The following HNRNPUL2 variants were observed in gnomAD, a reference collection of about 807,000 sequenced individuals.
HNRNPUL2 encodes the protein heterogeneous nuclear ribonucleoprotein U like 2.
In HNRNPUL2, 27 loss-of-function variants were observed where a neutral mutation model predicts 102.2. That is an observed-to-expected ratio of 0.26 (90% CI 0.19 to 0.36). The LOEUF is 0.36. Ranked by LOEUF, HNRNPUL2 falls within the 10% of genes least tolerant of loss-of-function variation. HNRNPUL2 has a pLI of 1.00. For synonymous variants in HNRNPUL2, 458 were observed against 387.2 expected, an observed-to-expected ratio of 1.18 and a Z score of -2.15; for missense variants, 936 against 981.1, an observed-to-expected ratio of 0.95 and a Z score of 0.61.
Position 62,713,894 on chromosome 11 carries a change from C to A in HNRNPUL2, c.*1405G>T, listed in dbSNP as rs566124760. The A allele has an allele frequency of 1.6e-4, 24 of 152,334 alleles. No homozygotes were observed. The highest frequency in any genetic ancestry group is 5.3e-4 in the African/African-American group (22 of 41,544). The allele number at this position is 152,334 out of a possible 1,614,324, so 9.4% of individuals were successfully genotyped here. ...GAGCATTCCATATCCCACCCATATT[C>A]TTGAACCCAGCAACCTACAGCTGTC... On this transcript the variant is annotated 3_prime_UTR_variant, in exon 14 of 14. Coordinates refer to ENST00000301785, the MANE Select transcript of HNRNPUL2 (RefSeq NM_001079559.3).
intron 10 of HNRNPUL2, 23 bp from the exon 11 acceptor site, chr11:62,717,212 T>A: frequency 1.3e-6 from 2 of 1,596,148 alleles, no homozygotes; most frequent in Non-Finnish European, 1.7e-6. Flanking sequence ...GAGAGAAGCT[T>A]GTGGGCCTGA....
intron 12 of HNRNPUL2, 86 bp from the exon 13 acceptor site, chr11:62,715,693 C>T: frequency 8.7e-7 from 1 of 1,143,730 alleles, no homozygotes. Context: ...TGCGACACAT[C>T]TTAGCTCGAT....
chr11:62,726,023 G>A (rs2083742578), intron 1 of HNRNPUL2, among the ~76,000 whole-genome samples: 1 of 152,114 alleles, frequency 6.6e-6, no homozygotes, highest in African/African-American at 2.4e-5. Context: ...AACTCTAAAT[G>A]AACTAGATTA....
At chr11:62,722,967 G>GCTACTCAGATTTTTATAC in intron 4 of HNRNPUL2, 64 bp from the exon 5 acceptor site, 1 of 1,221,446 alleles carries the variant, frequency 8.2e-7, no homozygotes, top group Non-Finnish European at 1.2e-6. Flanking sequence ...CTCTGAGTTC[G>GCTACTCAGATTTTTATAC]AAGGACAAGA....
Position 62,722,656 on chromosome 11 carries a change from T to C in HNRNPUL2, c.1040A>G (p.Gln347Arg). The change falls in exon 6 of 14, where the codon CAA (glutamine) becomes CGA (arginine). Residue 347 changes from glutamine to arginine, a missense_variant. Gln to Arg is a conservative substitution (Grantham distance 43). Around this residue, in one of 2 missense-constraint regions of HNRNPUL2, gnomAD observed 609 missense variants for 713.0 expected, o/e 0.85. Coordinates refer to ENST00000301785, the MANE Select transcript of HNRNPUL2 (RefSeq NM_001079559.3). ...DGRGLKAENG[Q>R]FEEFGQTFGE... ...AAAAGTCTGGCCAAATTCCTCAAAT[T>C]GTCCATTTTCTGCCTTGAGTCCTCG... 1.2e-6 allele frequency: 2 copies of C among 1,614,126 alleles called. No homozygotes were observed.
chr11:62,726,795 G>A lies in HNRNPUL2; in HGVS notation c.362C>T (p.Ala121Val), dbSNP rs1263319819. 34 of 1,597,246 alleles carry A rather than the reference G, an allele frequency of 2.1e-5. No individual in the cohort carries two copies. The highest frequency in any genetic ancestry group is 2.5e-5 in the Non-Finnish European group (30 of 1,177,942). ...CTCGGAAGCATCTGGCTCGGCCGCG[G>A]CCTCCATGGCTGCCGCCTCCGGGGG... ...PEPPEAAAME[A>V]AAEPDASEKP... Residue 121 changes from alanine to valine, a missense_variant, in exon 1 of 14, where the codon GCC becomes GTC. Ala to Val is a moderately conservative substitution (Grantham distance 64, BLOSUM62 0). Coordinates refer to ENST00000301785, the MANE Select transcript of HNRNPUL2 (RefSeq NM_001079559.3).
intron 3 of HNRNPUL2, 41 bp downstream of exon 3, chr11:62,723,870 TAGG>T (rs774859995): frequency 3.1e-6 from 5 of 1,603,098 alleles, no homozygotes; most frequent in African/African-American, 2.7e-5. Flanking sequence ...AAATCACTTT[TAGG>T]AGATTAGTTA....
chr11:62,726,513 T>C, intron 1 of HNRNPUL2, 106 bp downstream of exon 1: 2 of 1,200,496 alleles, frequency 1.7e-6, no homozygotes, highest in South Asian at 1.7e-5. Flanking sequence ...AAATGGCACT[T>C]TGAGGCAAGC....
At chr11:62,724,708 A>T (rs1414552227) in intron 1 of HNRNPUL2, among the ~76,000 whole-genome samples, 1 of 152,218 alleles carries the variant, frequency 6.6e-6, no homozygotes, top group African/African-American at 2.4e-5. Flanking sequence ...AATCAGGTCA[A>T]ACTTGCAGAT....
rs760394385 is a variant in HNRNPUL2, at chr11:62,722,331, T to A, written c.1145A>T (p.Asp382Val). 8 of 1,613,706 alleles carry A rather than the reference T, an allele frequency of 5.0e-6. No homozygotes were observed. In the South Asian group the frequency reaches 8.8e-5, roughly 18 times the overall value. ...VELSFSKNGE[D>V]LGVAFWISKD... ...GCTGATCCAGAATGCCACACCTAGG[T>A]CTTCTCCATTCTTGGAGAAGGAAAG... Residue 382 changes from aspartate (D) to valine (V), a missense_variant, in exon 7 of 14, where the codon GAC becomes GTC. This residue lies in a region of HNRNPUL2 where 609 missense variants were observed against 713.0 expected (regional missense o/e 0.85). Transcript: ENST00000301785.
rs1258936222 is a variant in HNRNPUL2 at position 62,722,364 on chromosome 11, T to A, written c.1112A>T (p.Glu371Val). ...ATTCTTGGAGAAGGAAAGTTCTACT[T>A]CTTCAGTCTCAAAATTCTACAATGA... Reference protein sequence around the residue: ...IGCFANFETEEVELSFSKNGE... With the variant: ...IGCFANFETEVVELSFSKNGE... The change falls in exon 7 of 14, where the codon GAA becomes GTA. Residue 371 changes from glutamate (E) to valine (V), a missense_variant. Physicochemically the swap from Glu to Val is moderately radical, Grantham distance 121. Transcript: ENST00000301785. The A allele has an allele frequency of 6.2e-7, 1 of 1,613,790 alleles. No individual in the cohort carries two copies. Among genetic ancestry groups the A allele is most frequent in the East Asian group, 2.2e-5 (1 of 44,890 alleles).
chr11:62,722,729 A>G lies in HNRNPUL2; in HGVS notation c.983-16T>C, dbSNP rs1458143279. On this transcript the variant is annotated splice_polypyrimidine_tract_variant and intron_variant, in intron 5 of 13. Transcript: ENST00000301785. ...TCATCTTCACCTAGAACAGTCAACA[A>G]ATTAGTTACCTACAACCGGACTTCC... is the stretch of plus-strand genomic sequence containing the variant. 1.2e-6 allele frequency: 2 copies of G among 1,610,342 alleles called. No homozygotes were observed. Among genetic ancestry groups the G allele is most frequent in the Non-Finnish European group, 1.7e-6 (2 of 1,176,522 alleles).
intron 1 of HNRNPUL2, among the ~76,000 whole-genome samples, chr11:62,725,723 G>C (rs2083740437): frequency 6.6e-6 from 1 of 152,074 alleles, no homozygotes; most frequent in Non-Finnish European, 1.5e-5. Context: ...TCCCTACTCG[G>C]ACACACACTG....
At position 62,723,983 on chromosome 11, in the gene HNRNPUL2, A is replaced by G; in HGVS notation, c.682T>C (p.Ser228Pro). The change falls in exon 3 of 14, where the codon TCT (serine) becomes CCT (proline). Residue 228 changes from serine (S) to proline (P), a missense_variant. By Grantham distance (74) the Ser-to-Pro change is moderately conservative (BLOSUM62 -1). Around this residue, in one of 2 missense-constraint regions of HNRNPUL2, gnomAD observed 609 missense variants for 713.0 expected, o/e 0.85. Coordinates refer to ENST00000301785, the MANE Select transcript of HNRNPUL2 (RefSeq NM_001079559.3). ...REEAYHSRSK[S>P]PLPPEEEAKD... ...GCCTCTTCTTCAGGAGGCAGTGGAG[A>G]CTTTGAGCTATATATGTAAGATAGA... 6 of 1,613,154 alleles carry G rather than the reference A, an allele frequency of 3.7e-6. No homozygotes were observed. Among genetic ancestry groups the G allele is most frequent in the Non-Finnish European group, 5.1e-6 (6 of 1,179,120 alleles).
intron 12 of HNRNPUL2, 121 bp downstream of exon 12, chr11:62,715,743 G>C: frequency 8.7e-7 from 1 of 1,149,198 alleles, no homozygotes; most frequent in Non-Finnish European, 1.3e-6. Flanking sequence ...AAATCTTCCA[G>C]AACATATTAA....
Position 62,722,820 on chromosome 11 carries a change from T to C in HNRNPUL2, c.975A>G (p.Pro325=). 6.2e-7 allele frequency: 1 copy of C among 1,614,052 alleles called. No individual in the cohort carries two copies. Among genetic ancestry groups the C allele is most frequent in the Non-Finnish European group, 8.5e-7 (1 of 1,179,920 alleles). The change falls in exon 5 of 14, where the codon CCA becomes CCG. Residue 325 remains proline, a synonymous_variant. Coordinates refer to ENST00000301785, the MANE Select transcript of HNRNPUL2 (RefSeq NM_001079559.3). ...TTAAAGAAATAACTTTACCAAGCTG[T>C]GGACGGGAAAAATCAACAGACCACC... The part of the protein sequence containing the change: ...RVGWSVDFSR[P]QLGEDEFSYG...
In HNRNPUL2 at chr11:62,722,731, T is replaced by A. The variant is rs768557727; in HGVS notation, c.983-18A>T. The A allele has an allele frequency of 1.2e-5, 19 of 1,609,608 alleles. No individual in the cohort carries two copies. The highest frequency in any genetic ancestry group is 1.4e-5 in the Non-Finnish European group (16 of 1,176,012). On this transcript the variant is annotated intron_variant, in intron 5 of 13. Coordinates refer to ENST00000301785, the MANE Select transcript of HNRNPUL2 (RefSeq NM_001079559.3). ...ATCTTCACCTAGAACAGTCAACAAA[T>A]TAGTTACCTACAACCGGACTTCCCA...
intron 8 of HNRNPUL2, 95 bp from the exon 9 acceptor site, chr11:62,721,518 A>G (rs916250829): frequency 2.6e-6 from 3 of 1,152,124 alleles, no homozygotes; most frequent in Middle Eastern, 2.3e-4. Flanking sequence ...CACCTCTTCA[A>G]ATACTGAATC....
rs1475917452 is a variant in HNRNPUL2, at chr11:62,720,931, T to C, written c.1611+364A>G. Among the ~76,000 whole-genome samples, 5 of 142,270 alleles carry C rather than the reference T, an allele frequency of 3.5e-5. No individual in the cohort carries two copies. The East Asian group carries it at 8.4e-4, about 24-fold the overall frequency. The allele number at this position is 142,270 out of a possible 152,430, so 93.3% of individuals were successfully genotyped here. On this transcript the variant is annotated intron_variant, in intron 9 of 13. Transcript: ENST00000301785. The stretch of plus-strand genomic sequence containing the variant: ...ACTTAGACACGAGATAAAGGGTCAA[T>C]ACACATGATCTTCTTTAACTTTTCA...
Sources: gnomAD v4.1 joint callset for allele counts (sites outside exome capture counted in the v4.1 genomes callset) on GRCh38, gnomAD v4.1.1 for gene constraint, gnomAD v4.1.1 regional missense constraint, MANE v1.5 for transcripts, NCBI Gene and HGNC (gene_info 2026-07-23, HGNC 2026-07-21) for gene names.